Variants in JAK1 observed in about 807,000 individuals in gnomAD.
JAK1 encodes tyrosine-protein kinase JAK1.
JAK1 carries 16 observed loss-of-function variants against 136.6 expected under a neutral mutation model. The observed-to-expected ratio is 0.12, with a 90% confidence interval of 0.08 to 0.18. The LOEUF (loss-of-function observed/expected upper bound fraction) is 0.18. Ranked by LOEUF, JAK1 falls within the 10% of genes least tolerant of loss-of-function variation. The pLI is 1.00. For synonymous variants in JAK1, 492 were observed against 519.5 expected (o/e 0.95, Z 0.72); for missense variants, 859 against 1,450.1 (o/e 0.59, Z 6.62).
chr1:64,928,170 T>C (rs1399776564), intron 1 of JAK1, among the ~76,000 whole-genome samples: 1 of 152,190 alleles, frequency 6.6e-6, no homozygotes, highest in Non-Finnish European at 1.5e-5. Context: ...AAGCATTCTA[T>C]GCCATGAGGT....
intron 22 of JAK1, among the ~76,000 whole-genome samples, chr1:64,837,048 A>G (rs923996339): frequency 6.6e-6 from 1 of 152,112 alleles, no homozygotes; most frequent in East Asian, 1.9e-4. Context: ...CTAGTCACGC[A>G]TGCTGTCTAG....
intron 1 of JAK1, among the ~76,000 whole-genome samples, chr1:64,951,395 T>G (rs906997722): frequency 2.0e-5 from 3 of 152,264 alleles, no homozygotes; most frequent in Admixed American, 1.3e-4. Context: ...CAGAAAAGTA[T>G]AAAGAACCAT....
At chr1:64,942,119 T>C (rs974763505) in intron 1 of JAK1, 2 of 152,342 alleles carry the variant, frequency 1.3e-5, no homozygotes, top group African/African-American at 2.4e-5. Context: ...ACATTTACAT[T>C]TGAATGATGA....
intron 2 of JAK1, among the ~76,000 whole-genome samples, chr1:65,013,394 TA>T (rs1389944702): frequency 1.5e-3 from 168 of 115,284 alleles, no homozygotes; most frequent in Middle Eastern, 0.01. Context: ...AGACTCTGTC[TA>T]AAAAAAAAAA....
At chr1:64,969,411 G>A (rs575077268), upstream of JAK1, among the ~76,000 whole-genome samples, 1 of 131,284 alleles carries the variant, frequency 7.6e-6, no homozygotes, top group African/African-American at 2.9e-5. Context: ...ACACCCCCCC[G>A]CAACTCCCCA....
At chr1:64,837,829 C>T in intron 22 of JAK1, 103 bp downstream of exon 22, 1 of 931,942 alleles carries the variant, frequency 1.1e-6, no homozygotes, top group East Asian at 2.5e-5. Context: ...AACCTTGAGT[C>T]AGGCCAGAGG....
intron 8 of JAK1, among the ~76,000 whole-genome samples, chr1:64,862,477 AAAAC>A (rs372687724): frequency 4.6e-5 from 7 of 152,356 alleles, no homozygotes; most frequent in African/African-American, 7.2e-5. Flanking sequence ...GTGGTAAAGA[AAAAC>A]AAACTAATGG....
rs557412632 is a variant in JAK1 at position 65,048,724 on chromosome 1, A to C, written c.-180-4142T>G. On this transcript the variant is annotated intron_variant, in intron 1 of 25. Transcript: ENST00000671954. ...CCTTCACAGAGCCTGCAAGTCAAGG[A>C]GGCTACCTTTAATCAGCCTGAGTTT... Among the ~76,000 whole-genome samples the C allele has an allele frequency of 1.3e-3, 200 of 152,354 alleles. 1 individual carries two copies. Among genetic ancestry groups the C allele is most frequent in the African/African-American group, 3.8e-3 (157 of 41,580 alleles).
At chr1:64,998,358 T>C (rs525680) in intron 2 of JAK1, among the ~76,000 whole-genome samples, 2,150 of 152,324 alleles carry the variant, frequency 0.014, 52 homozygotes, top group African/African-American at 0.05. Flanking sequence ...TAACCCTTTG[T>C]ACAAGTTTTT....
rs1232670886 is a variant in JAK1 at position 64,901,182 on chromosome 1, AG to A, written c.-77-14842del. On this transcript the variant is annotated intron_variant, in intron 1 of 24. Coordinates refer to ENST00000342505, the MANE Select transcript of JAK1 (RefSeq NM_002227.4). The stretch of plus-strand genomic sequence containing the variant: ...CAGATATTCAATAAATGTCTGTGTA[AG>A]AAGCAAATGTTTAAACATTTCCTTC... Among the ~76,000 whole-genome samples the A allele has an allele frequency of 2.6e-5, 4 of 152,192 alleles. No individual in the cohort carries two copies. In the East Asian group the frequency reaches 7.7e-4, roughly 29 times the overall value.
chr1:64,868,382 T>C (rs1557649323), intron 6 of JAK1, among the ~76,000 whole-genome samples: 1 of 152,100 alleles, frequency 6.6e-6, no homozygotes, highest in African/African-American at 2.4e-5. Flanking sequence ...CAGTAGAAAA[T>C]TGTGAAGTTT....
intron 2 of JAK1, among the ~76,000 whole-genome samples, chr1:65,000,500 TAA>T (rs879905363): frequency 1.4e-5 from 2 of 141,566 alleles, no homozygotes; most frequent in Non-Finnish European, 1.5e-5. Context: ...CCCCATCTCT[TAA>T]AAAAAAAAAA....
intron 1 of JAK1, among the ~76,000 whole-genome samples, chr1:65,047,819 G>T (rs1371099222): frequency 6.6e-6 from 1 of 152,018 alleles, no homozygotes; most frequent in Non-Finnish European, 1.5e-5. Context: ...TAGTGTGGAC[G>T]TACTGTGTGC....
At chr1:64,930,360 A>G (rs1645667451) in intron 1 of JAK1, among the ~76,000 whole-genome samples, 1 of 152,250 alleles carries the variant, frequency 6.6e-6, no homozygotes, top group Non-Finnish European at 1.5e-5. Context: ...ACATTTCTCA[A>G]AAGAAGACAT....
In JAK1 at chr1:64,844,727, G is replaced by A. The variant is rs72556524; in HGVS notation, c.2251+27C>T. The A allele has an allele frequency of 4.3e-3, 6,991 of 1,613,718 alleles. 21 individuals are homozygous for A. Among genetic ancestry groups the A allele is most frequent in the Non-Finnish European group, 5.6e-3 (6,556 of 1,179,912 alleles). On this transcript the variant is annotated intron_variant, in intron 16 of 24. Coordinates refer to ENST00000342505, the MANE Select transcript of JAK1 (RefSeq NM_002227.4). This position sits in a 1 kb window ranked among gnomAD's most constrained non-coding sequence, Gnocchi z 5.7. ...TGACTTGCCCCTGACTCGGGGTGGG[G>A]CCAGAGGGAAGAGAGGGGAGACACA...
chr1:64,878,162 C>T (rs1386917090), intron 4 of JAK1, among the ~76,000 whole-genome samples: 2 of 152,138 alleles, frequency 1.3e-5, no homozygotes, highest in African/African-American at 4.8e-5. Context: ...GTAAGTTAAC[C>T]TGCTTTTCAA....
intron 2 of JAK1, among the ~76,000 whole-genome samples, chr1:65,017,227 A>G (rs1646898493): frequency 6.6e-6 from 1 of 152,174 alleles, no homozygotes; most frequent in South Asian, 2.1e-4. Context: ...GCACTTTAGG[A>G]GGCCTCCGAG....
chr1:64,961,472 C>T (rs1024845791), intron 1 of JAK1, among the ~76,000 whole-genome samples: 2 of 152,128 alleles, frequency 1.3e-5, no homozygotes, highest in Non-Finnish European at 2.9e-5. Context: ...CCCACTCATT[C>T]GTTCAACAGA....
chr1:64,913,729 GAGGGAGGA>G (rs1397744358), intron 1 of JAK1, among the ~76,000 whole-genome samples: 4 of 116,360 alleles, frequency 3.4e-5, no homozygotes, highest in African/African-American at 1.3e-4. Flanking sequence ...GGGAGGGAGG[GAGGGAGGA>G]ATTGAAAGGA....
Sources: gnomAD v4.1 joint callset for allele counts (sites outside exome capture counted in the v4.1 genomes callset) on GRCh38, gnomAD v4.1.1 for gene constraint, Gnocchi (gnomAD v3.1) non-coding constraint, MANE v1.5 for transcripts, NCBI Gene and HGNC (gene_info 2026-07-23, HGNC 2026-07-21) for gene names.